The following RALGAPB variants were observed in gnomAD, a reference collection of about 807,000 sequenced individuals.
The protein encoded by RALGAPB is ral GTPase-activating protein subunit beta.
A neutral mutation model predicts 161.1 loss-of-function variants in RALGAPB; 25 were observed. The ratio of observed to expected loss-of-function variants is 0.16; its 90% CI spans 0.11 to 0.22. RALGAPB has a LOEUF of 0.22. Among genes scored for constraint, RALGAPB ranks in the 10% least tolerant of loss-of-function variants. The pLI, the probability that RALGAPB is intolerant of heterozygous loss-of-function variation, is 1.00. For missense variants in RALGAPB, 1,391 were observed against 1,815.2 expected (o/e 0.77, Z 4.25); for synonymous variants, 629 against 626.1 (o/e 1.00, Z -0.07).
At chr20:38,522,816 G>A (rs1432880435) in intron 10 of RALGAPB, among the ~76,000 whole-genome samples, 1 of 152,194 alleles carries the variant, frequency 6.6e-6, no homozygotes, top group Non-Finnish European at 1.5e-5. Context: ...TGAGAAGCTA[G>A]TGATATTTAT....
At chr20:38,488,855 C>G (rs2085195650) in intron 2 of RALGAPB, among the ~76,000 whole-genome samples, 1 of 152,152 alleles carries the variant, frequency 6.6e-6, no homozygotes. Flanking sequence ...TACTGTTTTG[C>G]TGCTGGGACT....
intron 6 of RALGAPB, among the ~76,000 whole-genome samples, chr20:38,513,003 G>T (rs1319462887): frequency 6.6e-6 from 1 of 151,944 alleles, no homozygotes; most frequent in African/African-American, 2.4e-5. Flanking sequence ...CTCATGATCC[G>T]CCTGCCTCGG....
intron 5 of RALGAPB, among the ~76,000 whole-genome samples, chr20:38,505,162 A>G (rs997868017): frequency 6.6e-6 from 1 of 152,234 alleles, no homozygotes; most frequent in Non-Finnish European, 1.5e-5. Context: ...AATAGCAAAG[A>G]CATGGAATCA....
chr20:38,576,102 T>G lies in RALGAPB; in HGVS notation c.*1135T>G, dbSNP rs560351606. 1 of 152,600 alleles carries G rather than the reference T, an allele frequency of 6.6e-6. No individual in the cohort carries two copies. The highest frequency in any genetic ancestry group is 2.4e-5 in the African/African-American group (1 of 41,576). 9.5% of individuals were successfully genotyped at this position (152,600 alleles called of 1,614,324 possible). On this transcript the variant is annotated 3_prime_UTR_variant, in exon 30 of 30. Transcript: ENST00000262879. ...TGCCAGGTTTTGGAAATACTTCTAT[T>G]ACCTCGCTGCTACTTTTCTGCAGGG...
At chr20:38,489,211 C>T (rs778731770) in intron 2 of RALGAPB, among the ~76,000 whole-genome samples, 3 of 152,026 alleles carry the variant, frequency 2.0e-5, no homozygotes, top group South Asian at 2.1e-4. Flanking sequence ...CAGAGTTTTG[C>T]TTTGTCACTC....
chr20:38,497,598 T>C (rs2085465047), intron 4 of RALGAPB, 82 bp downstream of exon 4: 1 of 1,422,658 alleles, frequency 7.0e-7, no homozygotes, highest in African/African-American at 1.4e-5. Flanking sequence ...GTAGACTCAT[T>C]GGGGATTTAA....
chr20:38,494,280 T>C (rs1261751276), intron 3 of RALGAPB, among the ~76,000 whole-genome samples: 4 of 152,222 alleles, frequency 2.6e-5, no homozygotes, highest in South Asian at 2.1e-4. Context: ...TTAGTACTTA[T>C]CTTAGGTGTC....
intron 18 of RALGAPB, among the ~76,000 whole-genome samples, chr20:38,543,346 A>G (rs555071461): frequency 6.6e-6 from 1 of 152,328 alleles, no homozygotes; most frequent in East Asian, 1.9e-4. Context: ...TGACTGAGTT[A>G]AACAGACTTT....
At chr20:38,566,676 A>G (rs1047493456) in intron 25 of RALGAPB, among the ~76,000 whole-genome samples, 9 of 152,200 alleles carry the variant, frequency 5.9e-5, no homozygotes, top group Non-Finnish European at 7.3e-5. Flanking sequence ...CCCAGTGCCT[A>G]TTTGGCACAA....
At chr20:38,530,817 G>T (rs1317244428) in intron 13 of RALGAPB, among the ~76,000 whole-genome samples, 1 of 150,652 alleles carries the variant, frequency 6.6e-6, no homozygotes, top group Non-Finnish European at 1.5e-5. Flanking sequence ...GGCTAGTCTC[G>T]AACTCTTGAC....
intron 1 of RALGAPB, among the ~76,000 whole-genome samples, chr20:38,481,897 G>C (rs1568896044): frequency 6.6e-6 from 1 of 152,130 alleles, no homozygotes; most frequent in Admixed American, 6.6e-5. Context: ...ATGACATAAA[G>C]ATGTAGTAAT....
intron 24 of RALGAPB, 103 bp from the exon 25 acceptor site, chr20:38,565,256 C>G (rs2087950983): frequency 7.6e-7 from 1 of 1,313,296 alleles, no homozygotes; most frequent in African/African-American, 1.5e-5. Flanking sequence ...AACATATATT[C>G]TATTTATCAC....
At chr20:38,564,315 C>T (rs992638782) in intron 24 of RALGAPB, among the ~76,000 whole-genome samples, 3 of 152,138 alleles carry the variant, frequency 2.0e-5, no homozygotes, top group Admixed American at 6.5e-5. Context: ...ATGACAGAAT[C>T]GAGTAGTTGT....
chr20:38,488,631 A>G lies in RALGAPB; in HGVS notation c.186+13A>G. 1 of 1,597,070 alleles carries G rather than the reference A, an allele frequency of 6.3e-7. No homozygotes were observed. Among genetic ancestry groups the G allele is most frequent in the Non-Finnish European group, 8.6e-7 (1 of 1,168,548 alleles). On this transcript the variant is annotated intron_variant, in intron 2 of 29. Coordinates refer to ENST00000262879, the MANE Select transcript of RALGAPB (RefSeq NM_020336.4). ...AACTGACAAAGAAGTAAGTGTTTCT[A>G]AATTTCATTCTCTTATATGAAAATG...
chr20:38,553,764 T>C lies in RALGAPB; in HGVS notation c.3163-103T>C. On this transcript the variant is annotated intron_variant, in intron 21 of 29. Transcript: ENST00000262879. Reference sequence around the variant, plus strand: ...GAGTTCAAGACCAGCTTGGTCAACATAGAGCCCAGTCTCAAAAAAAAAAAA... The same window carrying C: ...GAGTTCAAGACCAGCTTGGTCAACACAGAGCCCAGTCTCAAAAAAAAAAAA... 7.0e-6 allele frequency: 6 copies of C among 854,040 alleles called. No individual in the cohort carries two copies. In the East Asian group the frequency reaches 1.7e-4, roughly 24 times the overall value. 52.9% of individuals were successfully genotyped at this position (854,040 alleles called of 1,614,324 possible).
intron 1 of RALGAPB, among the ~76,000 whole-genome samples, chr20:38,480,283 C>T (rs1460256848): frequency 6.7e-6 from 1 of 150,170 alleles, no homozygotes; most frequent in Non-Finnish European, 1.5e-5. Flanking sequence ...CTACATATAG[C>T]TTTCTTTCCT....
At chr20:38,554,108 A>G (rs373583265) in intron 22 of RALGAPB, 32 bp downstream of exon 22, 2 of 1,517,162 alleles carry the variant, frequency 1.3e-6, no homozygotes, top group African/African-American at 2.7e-5. Flanking sequence ...GAATAAATAT[A>G]TTCACAAGTT....
At chr20:38,558,224 A>G (rs2087656431) in intron 22 of RALGAPB, 71 bp from the exon 23 acceptor site, 2 of 1,241,850 alleles carry the variant, frequency 1.6e-6, no homozygotes, top group Admixed American at 2.8e-5. Context: ...ACCATGAGCA[A>G]GTATTGTTTT....
intron 3 of RALGAPB, among the ~76,000 whole-genome samples, chr20:38,494,634 A>G (rs751205574): frequency 2.0e-5 from 3 of 152,210 alleles, no homozygotes; most frequent in Non-Finnish European, 4.4e-5. Context: ...TGTCTCAAAC[A>G]AAACAAAACA....
Sources: gnomAD v4.1 joint callset for allele counts (sites outside exome capture counted in the v4.1 genomes callset) on GRCh38, gnomAD v4.1.1 for gene constraint, MANE v1.5 for transcripts, NCBI Gene and HGNC (gene_info 2026-07-23, HGNC 2026-07-21) for gene names.